TXK: variants seen among roughly 807,000 people sequenced by gnomAD.
TXK encodes the protein tyrosine-protein kinase TXK.
A neutral mutation model predicts 81.0 loss-of-function variants in TXK; 60 were observed. The observed-to-expected ratio is 0.74, with a 90% CI of 0.60 to 0.92. The LOEUF (loss-of-function observed/expected upper bound fraction) is 0.92. Ranked by LOEUF, TXK falls within the 40% of genes least tolerant of loss-of-function variation. The probability of loss-of-function intolerance (pLI) is 0.00; values close to 1 mark genes in which losing one functional copy is unlikely to be tolerated. For missense variants in TXK, 581 were observed against 638.3 expected, an observed-to-expected ratio of 0.91 and a Z score of 0.97; for synonymous variants, 203 against 210.7, an observed-to-expected ratio of 0.96 and a Z score of 0.32.
chr4:48,081,181 C>T (rs1474317968), intron 10 of TXK, among the ~76,000 whole-genome samples: 1 of 151,848 alleles, frequency 6.6e-6, no homozygotes, highest in Non-Finnish European at 1.5e-5. Context: ...ATGCAGTTTA[C>T]ATATATATAG....
chr4:48,116,023 C>T (rs891088142), intron 1 of TXK, among the ~76,000 whole-genome samples: 1 of 152,110 alleles, frequency 6.6e-6, no homozygotes, highest in Non-Finnish European at 1.5e-5. Flanking sequence ...GGGGTTTAGC[C>T]CTAGTCACCT....
intron 1 of TXK, among the ~76,000 whole-genome samples, chr4:48,125,451 C>T (rs886283266): frequency 1.9e-4 from 29 of 152,166 alleles, no homozygotes; most frequent in African/African-American, 4.8e-4. Context: ...TAAACGAAAG[C>T]GAATCTTCAG....
chr4:48,106,546 G>T, intron 5 of TXK, among the ~76,000 whole-genome samples: 1 of 152,056 alleles, frequency 6.6e-6, no homozygotes, highest in East Asian at 1.9e-4. Flanking sequence ...CCAGCTATGG[G>T]TGAGTAGAAA....
chr4:48,093,669 A>C (rs1175295120), intron 8 of TXK, among the ~76,000 whole-genome samples: 1 of 152,180 alleles, frequency 6.6e-6, no homozygotes, highest in East Asian at 1.9e-4. Flanking sequence ...AGAGTGAGAG[A>C]TATAAGGGTG....
At chr4:48,081,821 CT>C (rs1330143935) in intron 10 of TXK, among the ~76,000 whole-genome samples, 2 of 152,120 alleles carry the variant, frequency 1.3e-5, no homozygotes, top group African/African-American at 2.4e-5. Context: ...ATTTTTCCCC[CT>C]AAACCCGTTT....
At chr4:48,076,992 T>C (rs1717096672) in intron 11 of TXK, among the ~76,000 whole-genome samples, 1 of 152,250 alleles carries the variant, frequency 6.6e-6, no homozygotes, top group South Asian at 2.1e-4. Context: ...AAAAATAGTG[T>C]ATTTTTTTTA....
intron 1 of TXK, among the ~76,000 whole-genome samples, chr4:48,116,452 G>A (rs1052761600): frequency 6.6e-6 from 1 of 152,152 alleles, no homozygotes; most frequent in African/African-American, 2.4e-5. Context: ...ATGTTGAGAA[G>A]GATTTATTTA....
At chr4:48,126,676 G>T (rs1719098956) in intron 1 of TXK, among the ~76,000 whole-genome samples, 1 of 151,960 alleles carries the variant, frequency 6.6e-6, no homozygotes, top group Non-Finnish European at 1.5e-5. Context: ...AATTTTTTTG[G>T]TATTTTTAGT....
chr4:48,067,275 C>T lies in TXK; in HGVS notation c.*362G>A, dbSNP rs59011737. On this transcript the variant is annotated 3_prime_UTR_variant, in exon 15 of 15. Transcript: ENST00000264316. ...GATCACTGAAGTGATGAATGTCACT[C>T]GTCTTCAAGAAGGAAGCACTCTCAG... is the stretch of plus-strand genomic sequence containing the variant. 1,141 of 211,812 alleles carry T rather than the reference C, an allele frequency of 5.4e-3. 14 individuals carry two copies. Among genetic ancestry groups the T allele is most frequent in the African/African-American group, 0.024 (1,029 of 43,278 alleles). 13.1% of individuals were successfully genotyped at this position (211,812 alleles called of 1,614,324 possible). A position where few individuals can be genotyped will look rare whatever the true frequency, so the allele number is the denominator to read the frequency against.
At chr4:48,068,106 C>T (rs947806295) in intron 14 of TXK, among the ~76,000 whole-genome samples, 9 of 152,172 alleles carry the variant, frequency 5.9e-5, no homozygotes, top group Admixed American at 5.9e-4. Flanking sequence ...ATTTAAATTC[C>T]TTAAGATTAT....
At chr4:48,134,104 CA>C (rs1719317062) in intron 1 of TXK, 50 bp downstream of exon 1, 7 of 1,604,244 alleles carry the variant, frequency 4.4e-6, no homozygotes, top group Non-Finnish European at 5.1e-6. Context: ...TCAAGAATAA[CA>C]GGCCCCAGAA....
intron 9 of TXK, among the ~76,000 whole-genome samples, chr4:48,087,406 C>T (rs1308885514): frequency 6.6e-6 from 1 of 151,810 alleles, no homozygotes; most frequent in Non-Finnish European, 1.5e-5. Flanking sequence ...TTCCCCCTCC[C>T]TATAGAAGGT....
chr4:48,074,152 A>G (rs1325218480), intron 12 of TXK, 99 bp from the exon 13 acceptor site: 34 of 883,464 alleles, frequency 3.8e-5, no homozygotes, highest in East Asian at 1.5e-4. Context: ...AAGACAAAGT[A>G]TTTTACCCCA....
Position 48,089,064 on chromosome 4 carries a change from G to T in TXK, c.784+686C>A, listed in dbSNP as rs537886688. 2.6e-5 allele frequency among the ~76,000 whole-genome samples: 4 copies of T among 152,252 alleles called. No homozygotes were observed. The East Asian group carries it at 7.7e-4, about 29-fold the overall frequency. On this transcript the variant is annotated intron_variant, in intron 9 of 14. Transcript: ENST00000264316. The stretch of plus-strand genomic sequence containing the variant: ...TAGAAACAAAAAAAAAGATGAAGAC[G>T]ATACTTTCAGCAGCTCTTTTTAGTA...
At chr4:48,104,717 T>C (rs1482040696) in intron 6 of TXK, among the ~76,000 whole-genome samples, 184 bp downstream of exon 6, 2 of 145,480 alleles carry the variant, frequency 1.4e-5, no homozygotes, top group African/African-American at 5.1e-5. Context: ...ATAATGAAAG[T>C]TGATGGAAAA....
In TXK at chr4:48,094,328, T is replaced by C. The variant is rs1031136893; in HGVS notation, c.582-124A>G. 12 of 1,097,156 alleles carry C rather than the reference T, an allele frequency of 1.1e-5. No individual in the cohort carries two copies. In the Admixed American group the frequency reaches 1.3e-4, roughly 12 times the overall value. The allele number at this position is 1,097,156 out of a possible 1,614,324, so 68.0% of individuals were successfully genotyped here. A position where few individuals can be genotyped will look rare whatever the true frequency, so the allele number is the denominator to read the frequency against. ...TAGCAACACTACACTGAGAAGTAGATTGGCTAAATTCAACAAGTGCCCCCC... is the reference window on the plus strand; with the variant it reads ...TAGCAACACTACACTGAGAAGTAGACTGGCTAAATTCAACAAGTGCCCCCC... On this transcript the variant is annotated intron_variant, in intron 7 of 14. Transcript: ENST00000264316.
In TXK at chr4:48,125,107, C is replaced by A. The variant is rs114921617; in HGVS notation, c.16+9048G>T. On this transcript the variant is annotated intron_variant, in intron 1 of 14. Coordinates refer to ENST00000264316, the MANE Select transcript of TXK (RefSeq NM_003328.3). ...TACTCACTATACTAACATTATGATC[C>A]CCATCTTACACATAAAGAAACAGAG... is the stretch of plus-strand genomic sequence containing the variant. 9.6e-3 allele frequency among the ~76,000 whole-genome samples: 1,459 copies of A among 152,272 alleles called. 21 individuals carry two copies. Among genetic ancestry groups the A allele is most frequent in the African/African-American group, 0.033 (1,391 of 41,540 alleles).
intron 13 of TXK, among the ~76,000 whole-genome samples, chr4:48,072,928 T>C (rs906442900): frequency 3.9e-5 from 6 of 152,138 alleles, no homozygotes; most frequent in African/African-American, 1.4e-4. Context: ...TTTAAATTTA[T>C]GTTTTAATTT....
chr4:48,075,008 C>T (rs948502707), intron 12 of TXK, among the ~76,000 whole-genome samples: 1 of 152,048 alleles, frequency 6.6e-6, no homozygotes, highest in South Asian at 2.1e-4. Context: ...CTCACTACCA[C>T]CACCCCTATT....
Sources: allele counts gnomAD v4.1 joint callset (sites outside exome capture counted in the v4.1 genomes callset), GRCh38; gene constraint gnomAD v4.1.1; transcripts MANE v1.5; gene names NCBI Gene and HGNC (gene_info 2026-07-23, HGNC 2026-07-21).